Variants in DNAJC27 observed in about 807,000 individuals in gnomAD.
The protein encoded by DNAJC27 is dnaJ homolog subfamily C member 27.
Under a neutral mutation model 31.4 loss-of-function variants are expected in DNAJC27, and 25 were observed. The observed-to-expected ratio is 0.80, with a 90% CI of 0.58 to 1.11. The LOEUF is 1.11. DNAJC27 is among the 50% of genes most tolerant of loss of function. The probability of loss-of-function intolerance (pLI) is 0.00; values close to 1 mark genes in which losing one functional copy is unlikely to be tolerated. For missense variants in DNAJC27, 356 were observed against 347.3 expected, an observed-to-expected ratio of 1.02 and a Z score of -0.20; for synonymous variants, 106 against 112.7, an observed-to-expected ratio of 0.94 and a Z score of 0.37.
chr2:24,958,652 A>T, intron 3 of DNAJC27: 1 of 272,918 alleles, frequency 3.7e-6, no homozygotes, highest in South Asian at 3.4e-5. Flanking sequence ...TATGATGGTT[A>T]AATGAGATAA....
chr2:24,970,460 C>CTTT (rs35742187), intron 1 of DNAJC27, among the ~76,000 whole-genome samples: 42 of 120,084 alleles, frequency 3.5e-4, no homozygotes, highest in East Asian at 9.6e-4. Context: ...AGTAAAATTA[C>CTTT]TTTTTTTTTT....
At chr2:24,970,882 C>T (rs1010017552) in intron 1 of DNAJC27, among the ~76,000 whole-genome samples, 3 of 152,148 alleles carry the variant, frequency 2.0e-5, no homozygotes, top group African/African-American at 7.2e-5. Context: ...ATAAAAAACA[C>T]TAAGTAAACA....
At chr2:24,948,982 T>G (rs1445842181) in intron 6 of DNAJC27, among the ~76,000 whole-genome samples, 2 of 152,150 alleles carry the variant, frequency 1.3e-5, no homozygotes, top group Non-Finnish European at 2.9e-5. Context: ...TTGGCTATGA[T>G]GGAAAGTTTT....
chr2:24,969,960 G>C (rs553064181), intron 1 of DNAJC27, among the ~76,000 whole-genome samples: 1 of 152,228 alleles, frequency 6.6e-6, no homozygotes, highest in African/African-American at 2.4e-5. Context: ...TTTGTAGGTT[G>C]AGTAATTCAC....
In DNAJC27 at chr2:24,944,324, G is replaced by A. The variant is rs1665595776; in HGVS notation, c.*3292C>T. ...AAAATCCCTCCCTTCCCCTTGTGAT[G>A]TTGTCATTGTTCAATGGGGCACAGC... On this transcript the variant is annotated 3_prime_UTR_variant, in exon 7 of 7. Transcript: ENST00000264711. 6.7e-6 allele frequency: 1 copy of A among 148,154 alleles called. No homozygotes were observed. The highest frequency in any genetic ancestry group is 6.7e-5 in the Admixed American group (1 of 14,826). The allele number at this position is 148,154 out of a possible 1,614,324, so 9.2% of individuals were successfully genotyped here.
intron 3 of DNAJC27, 155 bp downstream of exon 3, chr2:24,963,250 T>A: frequency 2.1e-6 from 1 of 473,604 alleles, no homozygotes; most frequent in Non-Finnish European, 3.8e-6. Context: ...TCAACAGTTG[T>A]CTATTAACTC....
chr2:24,970,722 T>A (rs775597799), intron 1 of DNAJC27, among the ~76,000 whole-genome samples: 1 of 151,564 alleles, frequency 6.6e-6, no homozygotes, highest in Non-Finnish European at 1.5e-5. Context: ...CCCAAAGTGC[T>A]GATGTATTAC....
chr2:24,963,349 T>C, intron 3 of DNAJC27, 56 bp downstream of exon 3: 2 of 1,405,496 alleles, frequency 1.4e-6, no homozygotes, highest in Non-Finnish European at 1.0e-6. Flanking sequence ...ATTCTGGATC[T>C]CTCCCCAAAC....
chr2:24,970,054 T>G (rs554830501), intron 1 of DNAJC27, among the ~76,000 whole-genome samples: 1 of 152,236 alleles, frequency 6.6e-6, no homozygotes, highest in Non-Finnish European at 1.5e-5. Context: ...TTTGTAGAGT[T>G]TGAAACTTGT....
At chr2:24,947,833 C>T in intron 6 of DNAJC27, 85 bp from the exon 7 acceptor site, 1 of 1,448,228 alleles carries the variant, frequency 6.9e-7, no homozygotes, top group Non-Finnish European at 9.3e-7. Flanking sequence ...CATAGTATCT[C>T]TTACAGTGAA....
rs1280111714 is a variant in DNAJC27, at chr2:24,957,094, C to T, written c.477G>A (p.Leu159=). ...GRLWAESKGF[L]YFETSAQTGE... ...CAGTTTGTGCTGAAGTTTCAAAGTA[C>T]AGGAACCCTTTGCTTTCAGCCCAAA... The change falls in exon 5 of 7, where the codon CTG becomes CTA. Residue 159 remains leucine, a synonymous_variant. Transcript: ENST00000264711. 2 of 1,610,522 alleles carry T rather than the reference C, an allele frequency of 1.2e-6. No individual in the cohort carries two copies. Among genetic ancestry groups the T allele is most frequent in the East Asian group, 4.5e-5 (2 of 44,744 alleles).
rs2149118732 is a variant in DNAJC27 at position 24,946,405 on chromosome 2, AATG to A, written c.*1208_*1210del. On this transcript the variant is annotated 3_prime_UTR_variant, in exon 7 of 7. Transcript: ENST00000264711. ...GAAGCCAGGGACTCTAGAGGAGAGA[AATG>A]ATGGCAGATGTGGGGTTCAGAAAAA... 1 of 152,458 alleles carries A rather than the reference AATG, an allele frequency of 6.6e-6. No homozygotes were observed. Among genetic ancestry groups the A allele is most frequent in the East Asian group, 1.9e-4 (1 of 5,186 alleles). 9.4% of individuals were successfully genotyped at this position (152,458 alleles called of 1,614,324 possible).
chr2:24,969,707 G>A (rs559948569), intron 1 of DNAJC27, among the ~76,000 whole-genome samples: 1 of 152,282 alleles, frequency 6.6e-6, no homozygotes, highest in South Asian at 2.1e-4. Context: ...TCGAACTCCT[G>A]AGCTCAGGCA....
At chr2:24,964,421 CAAAAA>C (rs771037919) in intron 2 of DNAJC27, among the ~76,000 whole-genome samples, 2 of 74,778 alleles carry the variant, frequency 2.7e-5, no homozygotes, top group Non-Finnish European at 2.7e-5. Context: ...GACTCCGTCT[CAAAAA>C]AAAAAAAAAA....
chr2:24,949,719 C>A (rs1226841121), intron 6 of DNAJC27, among the ~76,000 whole-genome samples: 2 of 151,962 alleles, frequency 1.3e-5, no homozygotes, highest in South Asian at 2.1e-4. Context: ...TTCAATTAAC[C>A]AAAGTGAATA....
intron 2 of DNAJC27, 112 bp downstream of exon 2, chr2:24,967,099 A>C (rs1666203201): frequency 1.3e-6 from 1 of 768,736 alleles, no homozygotes; most frequent in Non-Finnish European, 2.2e-6. Flanking sequence ...ACTTATCTTC[A>C]AAGTCTCCAT....
In DNAJC27 at chr2:24,967,625, G is replaced by A. The variant is rs60223651; in HGVS notation, c.88-332C>T. 1.7e-3 allele frequency among the ~76,000 whole-genome samples: 253 copies of A among 152,038 alleles called. 2 individuals carry two copies. Among genetic ancestry groups the A allele is most frequent in the African/African-American group, 5.8e-3 (242 of 41,472 alleles). On this transcript the variant is annotated intron_variant, in intron 1 of 6. Coordinates refer to ENST00000264711, the MANE Select transcript of DNAJC27 (RefSeq NM_016544.3). The stretch of plus-strand genomic sequence containing the variant: ...TGAGGCAGGAGAATTGTGTAAACCC[G>A]GGAGGCGGAGGTTGCAGTGAGCTGA...
intron 1 of DNAJC27, 74 bp from the exon 2 acceptor site, chr2:24,967,367 T>C: frequency 1.8e-6 from 2 of 1,120,246 alleles, no homozygotes; most frequent in Non-Finnish European, 2.7e-6. Flanking sequence ...TATTTCTTCA[T>C]TATGGTTCCT....
intron 3 of DNAJC27, among the ~76,000 whole-genome samples, chr2:24,961,135 T>C (rs2149127405): frequency 6.6e-6 from 1 of 152,312 alleles, no homozygotes; most frequent in Middle Eastern, 3.4e-3. Context: ...GAGCTGATGC[T>C]CATTTGCCAT....
Sources: allele counts gnomAD v4.1 joint callset (sites outside exome capture counted in the v4.1 genomes callset), GRCh38; gene constraint gnomAD v4.1.1; transcripts MANE v1.5; gene names NCBI Gene and HGNC (gene_info 2026-07-23, HGNC 2026-07-21).